Variants in AATK observed in about 807,000 individuals in gnomAD.
AATK encodes the protein lemur tail kinase 1, also known as serine/threonine-protein kinase LMTK1.
AATK carries 91 observed loss-of-function variants against 114.3 expected under a neutral mutation model. The ratio of observed to expected loss-of-function variants is 0.80; its 90% CI spans 0.67 to 0.95. The LOEUF (loss-of-function observed/expected upper bound fraction) is 0.95, where lower values mean the gene tolerates loss of function less well. Among genes scored for constraint, AATK ranks in the 40% least tolerant of loss-of-function variants. The pLI is 0.00. For missense variants in AATK, 2,176 were observed against 1,965.2 expected (o/e 1.11, Z -2.03); for synonymous variants, 1,075 against 916.5 (o/e 1.17, Z -3.12).
At chr17:81,145,234 CAA>C (rs761538299) in intron 1 of AATK, among the ~76,000 whole-genome samples, 17 of 121,096 alleles carry the variant, frequency 1.4e-4, no homozygotes, top group Non-Finnish European at 1.6e-4. Flanking sequence ...GAGACTCCAT[CAA>C]AAAAAAAAAA....
At chr17:81,155,705 TA>T (rs112326027) in intron 1 of AATK, among the ~76,000 whole-genome samples, 2 of 151,006 alleles carry the variant, frequency 1.3e-5, no homozygotes, top group East Asian at 1.9e-4. Context: ...TTTTTTTTTT[TA>T]ATAAGGTCTC....
At chr17:81,150,114 T>G (rs920300032) in intron 1 of AATK, among the ~76,000 whole-genome samples, 2 of 150,782 alleles carry the variant, frequency 1.3e-5, no homozygotes, top group Non-Finnish European at 3.0e-5. Context: ...GGGAGGGGGA[T>G]GGGGAGGGAC....
Position 81,120,779 on chromosome 17 carries a change from C to T in AATK, c.3157G>A (p.Gly1053Arg), listed in dbSNP as rs530755124. The change falls in exon 11 of 14, where the codon GGG becomes AGG. Residue 1053 changes from glycine (G) to arginine (R), a missense_variant. By Grantham distance (125) the Gly-to-Arg change is moderately radical (BLOSUM62 -2). Coordinates refer to ENST00000326724, the MANE Select transcript of AATK (RefSeq NM_001080395.3). Reference protein sequence around the residue: ...VSGEAQGSGPGEVLPPLLQLE... With the variant: ...VSGEAQGSGPREVLPPLLQLE... ...TGCAGCAGTGGGGGCAGCACCTCCCCGGGGCCAGAGCCTTGTGCCTCCCCG... is the reference window on the plus strand; with the variant it reads ...TGCAGCAGTGGGGGCAGCACCTCCCTGGGGCCAGAGCCTTGTGCCTCCCCG... 2.6e-5 allele frequency: 41 copies of T among 1,568,284 alleles called. No homozygotes were observed. The highest frequency in any genetic ancestry group is 2.4e-4 in the East Asian group (10 of 42,322).
intron 1 of AATK, among the ~76,000 whole-genome samples, chr17:81,162,806 G>A (rs755293577): frequency 1.3e-5 from 2 of 152,190 alleles, no homozygotes; most frequent in South Asian, 2.1e-4. Flanking sequence ...GAGACAGGGC[G>A]TGAGCTGAGG....
intron 13 of AATK, 37 bp downstream of exon 13, chr17:81,119,343 C>CGCGTGCCCTACCTCTT (rs1234335544): frequency 2.2e-6 from 3 of 1,389,990 alleles, no homozygotes; most frequent in East Asian, 3.0e-5. Context: ...CCCTGCCTCC[C>CGCGTGCCCTACCTCTT]GCGTGCCCTT....
rs1489793594 is a variant in AATK at position 81,126,620 on chromosome 17, T to TC, written c.622-61dup. ...GCTGGGGGCTGGCCACCCTGGGAGG[T>TC]CCCCACCTACCTCCCCAACTCCTCC... On this transcript the variant is annotated intron_variant, in intron 6 of 13. Transcript: ENST00000326724. The surrounding 1 kb of genome is among the most constrained non-coding windows in gnomAD (Gnocchi z 5.1). The TC allele has an allele frequency of 6.6e-7, 1 of 1,504,166 alleles. No individual in the cohort carries two copies. Among genetic ancestry groups the TC allele is most frequent in the East Asian group, 2.5e-5 (1 of 40,078 alleles). 93.2% of individuals were successfully genotyped at this position (1,504,166 alleles called of 1,614,324 possible). A position where few individuals can be genotyped will look rare whatever the true frequency, so the allele number is the denominator to read the frequency against.
intron 1 of AATK, among the ~76,000 whole-genome samples, chr17:81,151,465 C>T (rs1401852352): frequency 6.6e-6 from 1 of 152,122 alleles, no homozygotes; most frequent in Non-Finnish European, 1.5e-5. Flanking sequence ...CAGACGCATC[C>T]GAGGGGCAGC....
At chr17:81,145,733 C>CAAA (rs11332251) in intron 1 of AATK, among the ~76,000 whole-genome samples, 5 of 71,128 alleles carry the variant, frequency 7.0e-5, no homozygotes, top group African/African-American at 1.1e-4. Context: ...AACTCCATCT[C>CAAA]AAAAAAAAAA....
rs1598903993 is a variant in AATK, at chr17:81,120,738, G to A, written c.3198C>T (p.Ser1066=). 1.3e-6 allele frequency: 2 copies of A among 1,576,686 alleles called. No homozygotes were observed. Among genetic ancestry groups the A allele is most frequent in the Non-Finnish European group, 1.7e-6 (2 of 1,161,812 alleles). The change falls in exon 11 of 14, where the codon TCC becomes TCT. Residue 1066 remains serine (S), a synonymous_variant. Coordinates refer to ENST00000326724, the MANE Select transcript of AATK (RefSeq NM_001080395.3). ...CCGAGGGGCAGGTGCTGGGCTCTGG[G>A]GAGGACCCTTCAAGCTGCAGCAGTG... The part of the protein sequence containing the change: ...LPPLLQLEGS[S]PEPSTCPSGL...
chr17:81,165,601 C>T (rs570761817), intron 1 of AATK: 1 of 1,394,750 alleles, frequency 7.2e-7, no homozygotes, highest in Admixed American at 2.1e-5. Flanking sequence ...CTGACACCCC[C>T]CACACCCCCA....
At chr17:81,150,823 C>G (rs1397948612) in intron 1 of AATK, among the ~76,000 whole-genome samples, 1 of 152,204 alleles carries the variant, frequency 6.6e-6, no homozygotes, top group Non-Finnish European at 1.5e-5. Flanking sequence ...CCAGGGTCCC[C>G]TTTCCCCCGT....
At chr17:81,124,899 TGCCCA>T in intron 8 of AATK, 26 bp downstream of exon 8, 6 of 1,566,124 alleles carry the variant, frequency 3.8e-6, no homozygotes, top group Non-Finnish European at 4.3e-6. Flanking sequence ...CTGCCCCTCA[TGCCCA>T]GCCCAGCCCA....
intron 9 of AATK, among the ~76,000 whole-genome samples, chr17:81,123,709 C>T (rs1214344186): frequency 2.1e-5 from 3 of 144,280 alleles, no homozygotes; most frequent in African/African-American, 7.9e-5. Flanking sequence ...GAGTAGGGCC[C>T]GCACCAGCAG....
chr17:81,145,775 C>A (rs1008150550), intron 1 of AATK, among the ~76,000 whole-genome samples: 4 of 145,502 alleles, frequency 2.7e-5, no homozygotes, highest in Non-Finnish European at 6.0e-5. Context: ...TAAAAGCCCT[C>A]AAATTAAAGG....
At chr17:81,147,938 A>C (rs2061243365) in intron 1 of AATK, among the ~76,000 whole-genome samples, 1 of 152,072 alleles carries the variant, frequency 6.6e-6, no homozygotes, top group Non-Finnish European at 1.5e-5. Context: ...TCTCATATAC[A>C]GATGTTAGAA....
chr17:81,157,836 C>T lies in AATK; in HGVS notation c.55+8102G>A, dbSNP rs544994724. On this transcript the variant is annotated intron_variant, in intron 1 of 13. Transcript: ENST00000326724. ...TAAGGTCCCACAGCCCCCATCTCTT[C>T]GCTCCTGGCCTGTCTCTGCTCGACG... 1.0e-3 allele frequency among the ~76,000 whole-genome samples: 152 copies of T among 152,348 alleles called. 2 individuals carry two copies. In the South Asian group the frequency reaches 0.03, roughly 30 times the overall value.
Position 81,122,669 on chromosome 17 carries a change from C to T in AATK, c.1267G>A (p.Gly423Ser). The T allele has an allele frequency of 2.0e-6, 3 of 1,509,818 alleles. No homozygotes were observed. The highest frequency in any genetic ancestry group is 2.7e-5 in the East Asian group (1 of 37,130). 93.5% of individuals were successfully genotyped at this position (1,509,818 alleles called of 1,614,324 possible). ...GCCGCACCGGGCCCGGGCCCCACGCCGCCCCCGCCGGGCCGCAGAGAGCGC... is the reference window on the plus strand; with the variant it reads ...GCCGCACCGGGCCCGGGCCCCACGCTGCCCCCGCCGGGCCGCAGAGAGCGC... The part of the protein sequence containing the change: ...RWRSLRPGGG[G>S]VGPGPGAAGP... Residue 423 changes from glycine to serine, a missense_variant, in exon 11 of 14, where the codon GGC becomes AGC. Around this residue, in one of 4 missense-constraint regions of AATK, gnomAD observed 1,701 missense variants for 1,394.7 expected, o/e 1.22. Coordinates refer to ENST00000326724, the MANE Select transcript of AATK (RefSeq NM_001080395.3).
chr17:81,153,151 A>C (rs890563933), intron 1 of AATK, among the ~76,000 whole-genome samples: 1 of 152,124 alleles, frequency 6.6e-6, no homozygotes, highest in Non-Finnish European at 1.5e-5. Context: ...CTCCATCCCC[A>C]CTGATTTTTA....
At chr17:81,124,175 G>A (rs938482406) in intron 9 of AATK, among the ~76,000 whole-genome samples, 17 of 123,988 alleles carry the variant, frequency 1.4e-4, no homozygotes, top group African/African-American at 3.5e-4. Context: ...TGGTGGGGGC[G>A]GTTGGGGAAG....
Sources: allele counts gnomAD v4.1 joint callset (sites outside exome capture counted in the v4.1 genomes callset), GRCh38; gene constraint gnomAD v4.1.1; regional missense constraint gnomAD v4.1.1; non-coding constraint Gnocchi (gnomAD v3.1); transcripts MANE v1.5; gene names NCBI Gene and HGNC (gene_info 2026-07-23, HGNC 2026-07-21).